IL1RAPL1: variants seen among roughly 807,000 people sequenced by gnomAD.
IL1RAPL1 encodes the protein interleukin-1 receptor accessory protein-like 1.
Under a neutral mutation model 48.4 loss-of-function variants are expected in IL1RAPL1, and 3 were observed. That is an observed-to-expected ratio of 0.06 (90% confidence interval 0.03 to 0.16). The LOEUF is 0.16. IL1RAPL1 is among the 10% of genes least tolerant of loss of function. IL1RAPL1 has a pLI of 1.00. For synonymous variants in IL1RAPL1, 185 were observed against 187.7 expected (o/e 0.99, Z 0.12); for missense variants, 349 against 530.6 (o/e 0.66, Z 3.36).
At chrX:29,531,611 A>G (rs917770527) in intron 5 of IL1RAPL1, among the ~76,000 whole-genome samples, 15 of 112,081 alleles carry the variant, frequency 1.3e-4, no homozygotes, top group African/African-American at 4.2e-4. Context: ...TAGGGTTGTC[A>G]TAAGAAGATA....
intron 2 of IL1RAPL1, among the ~76,000 whole-genome samples, chrX:29,213,971 C>G (rs981084255): frequency 2.7e-5 from 3 of 111,330 alleles, no homozygotes; most frequent in African/African-American, 9.8e-5. Context: ...CAATTTTGCT[C>G]ATAGATAATT....
intron 6 of IL1RAPL1, among the ~76,000 whole-genome samples, chrX:29,771,855 C>T (rs139487786): frequency 2.7e-5 from 3 of 111,627 alleles, no homozygotes; most frequent in African/African-American, 9.8e-5. Context: ...CACAGTTCCA[C>T]GTGCCTGGGG....
chrX:29,264,268 A>G (rs1006875544), intron 2 of IL1RAPL1, among the ~76,000 whole-genome samples: 2 of 111,947 alleles, frequency 1.8e-5, no homozygotes, highest in South Asian at 3.7e-4. Context: ...TAATAGAAGC[A>G]GAAATGAGTG....
intron 5 of IL1RAPL1, among the ~76,000 whole-genome samples, chrX:29,491,643 A>G (rs756233593): frequency 8.9e-6 from 1 of 112,426 alleles, no homozygotes; most frequent in African/African-American, 3.2e-5. Context: ...ATTTAATTGC[A>G]TTGTTTCTAT....
chrX:28,726,212 T>C (rs1316599679), intron 1 of IL1RAPL1, among the ~76,000 whole-genome samples: 1 of 112,194 alleles, frequency 8.9e-6, no homozygotes, highest in Admixed American at 9.5e-5. Context: ...ATTTTTCTCA[T>C]GTGTAAAATG....
intron 6 of IL1RAPL1, among the ~76,000 whole-genome samples, chrX:29,802,895 A>ATATATACATATATG (rs1929999346): frequency 1.5e-5 from 1 of 68,563 alleles, no homozygotes; most frequent in Non-Finnish European, 2.6e-5. Flanking sequence ...ATATGTATAC[A>ATATATACATATATG]TATATATGTG....
At chrX:28,760,536 G>A (rs939340929) in intron 1 of IL1RAPL1, among the ~76,000 whole-genome samples, 1 of 111,787 alleles carries the variant, frequency 8.9e-6, no homozygotes, top group Non-Finnish European at 1.9e-5. Context: ...TAGCCCATAT[G>A]GATGGGTCTC....
intron 6 of IL1RAPL1, among the ~76,000 whole-genome samples, chrX:29,833,275 GTAGA>G (rs1387550000): frequency 1.8e-5 from 2 of 111,520 alleles, no homozygotes; most frequent in East Asian, 2.8e-4. Context: ...TGATAGATGG[GTAGA>G]TAGATATTCT....
intron 1 of IL1RAPL1, among the ~76,000 whole-genome samples, chrX:28,698,302 A>G (rs1280062149): frequency 2.7e-5 from 3 of 111,204 alleles, no homozygotes; most frequent in East Asian, 5.7e-4. Context: ...ACTTGAGAAA[A>G]CTGGCACCAT....
At chrX:29,436,605 A>C (rs1056196542) in intron 5 of IL1RAPL1, among the ~76,000 whole-genome samples, 1 of 109,316 alleles carries the variant, frequency 9.1e-6, no homozygotes, top group Non-Finnish European at 1.9e-5. Context: ...GGTGATGGAG[A>C]GGAGCAAAAA....
chrX:28,600,456 T>C (rs746894886), intron 1 of IL1RAPL1, among the ~76,000 whole-genome samples: 19 of 105,214 alleles, frequency 1.8e-4, no homozygotes, highest in Admixed American at 6.2e-4. Context: ...TTTTTTTTTT[T>C]CCTCGGTGGT....
At chrX:29,506,705 T>G (rs1000011817) in intron 5 of IL1RAPL1, among the ~76,000 whole-genome samples, 1 of 109,270 alleles carries the variant, frequency 9.2e-6, no homozygotes, top group Non-Finnish European at 1.9e-5. Flanking sequence ...AATGGCCACC[T>G]AATTTGTTGT....
chrX:29,222,991 C>A (rs764184032), intron 2 of IL1RAPL1, among the ~76,000 whole-genome samples: 2 of 110,911 alleles, frequency 1.8e-5, no homozygotes, highest in Non-Finnish European at 3.8e-5. Flanking sequence ...TTCTTCATAT[C>A]TCTCATTCTC....
chrX:29,589,457 ATTC>A (rs202176311), intron 5 of IL1RAPL1, among the ~76,000 whole-genome samples: 5,943 of 111,183 alleles, frequency 0.053, 416 homozygotes, highest in African/African-American at 0.18. Context: ...ATTTTCAGGT[ATTC>A]TTTATGATCT....
intron 5 of IL1RAPL1, among the ~76,000 whole-genome samples, chrX:29,623,106 TAAA>T (rs752740069): frequency 5.1e-5 from 4 of 78,597 alleles, no homozygotes; most frequent in Admixed American, 1.5e-4. Context: ...CTGTCTCCAC[TAAA>T]AAAAAAAAAA....
intron 3 of IL1RAPL1, among the ~76,000 whole-genome samples, chrX:29,392,392 A>G (rs1457394225): frequency 8.9e-6 from 1 of 112,012 alleles, no homozygotes; most frequent in Non-Finnish European, 1.9e-5. Flanking sequence ...TTGCTTTGAG[A>G]GTGTGTAAAT....
At chrX:28,979,702 T>G (rs1408701411) in intron 2 of IL1RAPL1, among the ~76,000 whole-genome samples, 1 of 112,318 alleles carries the variant, frequency 8.9e-6, no homozygotes, top group Non-Finnish European at 1.9e-5. Flanking sequence ...TCAGAAGAAT[T>G]ACCAGCACAC....
intron 2 of IL1RAPL1, among the ~76,000 whole-genome samples, chrX:29,115,237 G>C (rs1928655425): frequency 8.9e-6 from 1 of 111,736 alleles, no homozygotes; most frequent in Admixed American, 9.6e-5. Flanking sequence ...TTCTGCAACT[G>C]TTTCATATGT....
intron 2 of IL1RAPL1, among the ~76,000 whole-genome samples, chrX:29,045,808 T>A (rs1197618130): frequency 9.0e-6 from 1 of 111,308 alleles, no homozygotes; most frequent in Non-Finnish European, 1.9e-5. Flanking sequence ...ATGCTACTTA[T>A]TGCATACTAG....
Sources: allele counts gnomAD v4.1 joint callset (sites outside exome capture counted in the v4.1 genomes callset), GRCh38; gene constraint gnomAD v4.1.1; transcripts MANE v1.5; gene names NCBI Gene and HGNC (gene_info 2026-07-23, HGNC 2026-07-21).